The following CCNF variants were observed in gnomAD, a reference collection of about 807,000 sequenced individuals.
CCNF encodes cyclin F.
Under a neutral mutation model 85.4 loss-of-function variants are expected in CCNF, and 30 were observed. That is an observed-to-expected ratio of 0.35 (90% CI 0.26 to 0.48). CCNF has a LOEUF of 0.48. CCNF is among the 20% of genes least tolerant of loss of function. The probability of loss-of-function intolerance (pLI) is 0.99; values close to 1 mark genes in which losing one functional copy is unlikely to be tolerated. For missense variants in CCNF, 919 were observed against 1,010.4 expected, an observed-to-expected ratio of 0.91 and a Z score of 1.23; for synonymous variants, 439 against 425.1, an observed-to-expected ratio of 1.03 and a Z score of -0.40.
rs746327360 is a variant in CCNF at position 2,457,021 on chromosome 16, G to C, written c.*1G>C. 3.8e-6 allele frequency: 6 copies of C among 1,573,476 alleles called. No homozygotes were observed. The South Asian group carries it at 7.2e-5, about 19-fold the overall frequency. On this transcript the variant is annotated 3_prime_UTR_variant, in exon 17 of 17. Coordinates refer to ENST00000397066, the MANE Select transcript of CCNF (RefSeq NM_001761.3). ...GAACCTGGGCCTTGTGAGGCTGTAA[G>C]TGTGTCAGCACATTTGCCGCAGTGG... is the stretch of plus-strand genomic sequence containing the variant.
rs986789044 is a variant in CCNF at position 2,433,025 on chromosome 16, A to G, written c.236A>G (p.Gln79Arg). Reference protein sequence around the residue: ...HASVWACASFQELWPSPGNLK... With the variant: ...HASVWACASFRELWPSPGNLK... ...AGTGTGTGGGCATGTGCCAGCTTCCAGGAGCTGTGGCCGTCTCCAGGGAAC... is the reference window on the plus strand; with the variant it reads ...AGTGTGTGGGCATGTGCCAGCTTCCGGGAGCTGTGGCCGTCTCCAGGGAAC... The change falls in exon 3 of 17, where the codon CAG (glutamine) becomes CGG (arginine). Residue 79 changes from glutamine (Q) to arginine (R), a missense_variant. Physicochemically the swap from Gln to Arg is conservative, Grantham distance 43. Transcript: ENST00000397066. 6 of 1,611,330 alleles carry G rather than the reference A, an allele frequency of 3.7e-6. No individual in the cohort carries two copies. The Admixed American group carries it at 5.0e-5, about 13-fold the overall frequency.
chr16:2,439,714 A>G (rs1290316293), intron 7 of CCNF, 35 bp from the exon 8 acceptor site: 1 of 1,580,768 alleles, frequency 6.3e-7, no homozygotes, highest in Admixed American at 1.7e-5. Flanking sequence ...CCCAAGACAC[A>G]GTTGTACAAA....
intron 10 of CCNF, among the ~76,000 whole-genome samples, chr16:2,447,272 T>G (rs534453418): frequency 4.0e-5 from 6 of 151,886 alleles, no homozygotes; most frequent in Admixed American, 1.3e-4. Context: ...TCTGCCTTAT[T>G]ATCTTTTTTT....
rs1439057346 is a variant in CCNF, at chr16:2,457,384, A to C, written c.*364A>C. On this transcript the variant is annotated 3_prime_UTR_variant, in exon 17 of 17. Coordinates refer to ENST00000397066, the MANE Select transcript of CCNF (RefSeq NM_001761.3). ...CCCGTGCCGGGAGCTGACAGCTTTC[A>C]CGCTTAAGGCACGTGTGACCTGGGT... The C allele has an allele frequency of 5.4e-6, 1 of 186,628 alleles. No homozygotes were observed. The highest frequency in any genetic ancestry group is 1.1e-5 in the Non-Finnish European group (1 of 89,414). The allele number at this position is 186,628 out of a possible 1,614,324, so 11.6% of individuals were successfully genotyped here.
chr16:2,435,249 C>CA (rs1358301735), intron 3 of CCNF, among the ~76,000 whole-genome samples: 571 of 34,976 alleles, frequency 0.016, 9 homozygotes, highest in Middle Eastern at 0.04. Flanking sequence ...GACTCCGTCT[C>CA]AAAAAAAAAA....
chr16:2,437,937 A>T, intron 5 of CCNF, 133 bp from the exon 6 acceptor site: 1 of 555,240 alleles, frequency 1.8e-6, no homozygotes, highest in Non-Finnish European at 3.3e-6. Flanking sequence ...GAAATCTGGG[A>T]GTGGCCCTCT....
Position 2,439,396 on chromosome 16 carries a change from C to CCCA in CCNF, c.638_639insCCA (p.Ala213_Ala214insHis), listed in dbSNP as rs1341365156. 6.2e-7 allele frequency: 1 copy of CCCA among 1,610,470 alleles called. No individual in the cohort carries two copies. Among genetic ancestry groups the CCCA allele is most frequent in the Non-Finnish European group, 8.5e-7 (1 of 1,178,852 alleles). ...CAGGCCCATGACCTGTTTGAGGAGG[C>CCCA]TGCTCATCAGGGATGTCTGACCAGC... On this transcript the variant is annotated inframe_insertion, in exon 7 of 17. Transcript: ENST00000397066.
rs138459868 is a variant in CCNF at position 2,454,928 on chromosome 16, C to T, written c.1716-467C>T. The stretch of plus-strand genomic sequence containing the variant: ...TATAAAAATTAGCTGGGTGTGATGG[C>T]GGGCACCTGTAGTCCCAGCTACTCA... On this transcript the variant is annotated intron_variant, in intron 15 of 16. Coordinates refer to ENST00000397066, the MANE Select transcript of CCNF (RefSeq NM_001761.3). 9.2e-3 allele frequency among the ~76,000 whole-genome samples: 1,406 copies of T among 152,114 alleles called. 24 individuals are homozygous for T. The highest frequency in any genetic ancestry group is 0.031 in the African/African-American group (1,275 of 41,458).
chr16:2,435,910 A>G (rs1166888974), intron 4 of CCNF, 37 bp downstream of exon 4: 2 of 1,480,780 alleles, frequency 1.4e-6, no homozygotes, highest in Admixed American at 3.4e-5. Context: ...GGCGCTTCAG[A>G]TAAGTGTGAG....
At position 2,449,347 on chromosome 16, in the gene CCNF, G is replaced by A. The variant is rs142132500; in HGVS notation, c.1284G>A (p.Gln428=). ...LTLVPVELRT[Q]HLCSFLCELS... Reference sequence around the variant, plus strand: ...TAGTCCCTGTGGAGCTGAGAACCCAGCACCTGTGCAGCTTCCTCTGCGAGC... The same window carrying A: ...TAGTCCCTGTGGAGCTGAGAACCCAACACCTGTGCAGCTTCCTCTGCGAGC... Residue 428 remains glutamine (Q), a synonymous_variant, in exon 12 of 17, where the codon CAG becomes CAA. Transcript: ENST00000397066. 2 of 1,613,794 alleles carry A rather than the reference G, an allele frequency of 1.2e-6. No individual in the cohort carries two copies. The highest frequency in any genetic ancestry group is 1.7e-6 in the Non-Finnish European group (2 of 1,179,974).
intron 10 of CCNF, among the ~76,000 whole-genome samples, chr16:2,448,058 G>A (rs1383054712): frequency 6.6e-6 from 1 of 152,248 alleles, no homozygotes; most frequent in Non-Finnish European, 1.5e-5. Context: ...GATAGTTGGC[G>A]CTGGTTGACA....
chr16:2,444,456 C>A (rs1340172442), intron 9 of CCNF, among the ~76,000 whole-genome samples: 1 of 150,680 alleles, frequency 6.6e-6, no homozygotes, highest in Admixed American at 6.6e-5. Flanking sequence ...CCTGCCACCA[C>A]GCCCAGCTAA....
Position 2,449,310 on chromosome 16 carries a change from T to G in CCNF, c.1247T>G (p.Val416Gly), listed in dbSNP as rs759832040. Reference protein sequence around the residue: ...RVPTVVDYKEVLLTLVPVELR... With the variant: ...RVPTVVDYKEGLLTLVPVELR... Reference sequence around the variant, plus strand: ...CCCACTGTGGTGGATTACAAGGAGGTCCTGCTGACGCTAGTCCCTGTGGAG... The same window carrying G: ...CCCACTGTGGTGGATTACAAGGAGGGCCTGCTGACGCTAGTCCCTGTGGAG... The change falls in exon 12 of 17, where the codon GTC (valine) becomes GGC (glycine). Residue 416 changes from valine to glycine, a missense_variant. Transcript: ENST00000397066. 3 of 1,613,648 alleles carry G rather than the reference T, an allele frequency of 1.9e-6. No homozygotes were observed. The South Asian group carries it at 3.3e-5, about 18-fold the overall frequency.
chr16:2,437,389 G>A (rs1054497720), intron 5 of CCNF, 67 bp downstream of exon 5: 24 of 1,275,464 alleles, frequency 1.9e-5, no homozygotes, highest in African/African-American at 2.9e-5. Flanking sequence ...GGAAGACCCC[G>A]AGGGTAGATC....
rs199750563 is a variant in CCNF at position 2,445,581 on chromosome 16, G to T, written c.1053G>T (p.Arg351Ser). Reference protein sequence around the residue: ...YLRRRLVPRYRLQLLGIACMV... With the variant: ...YLRRRLVPRYSLQLLGIACMV... ...GGAGGAGGCTGGTGCCGCGGTACAG[G>T]CTCCAGCTGCTGGGCATCGCCTGCA... Residue 351 changes from arginine (R) to serine (S), a missense_variant, in exon 10 of 17, where the codon AGG becomes AGT. Arg to Ser is a moderately radical substitution (Grantham distance 110). This residue lies in a region of CCNF where 410 missense variants were observed against 478.6 expected (regional missense o/e 0.86). Coordinates refer to ENST00000397066, the MANE Select transcript of CCNF (RefSeq NM_001761.3). 3 of 1,613,626 alleles carry T rather than the reference G, an allele frequency of 1.9e-6. No individual in the cohort carries two copies. Among genetic ancestry groups the T allele is most frequent in the African/African-American group, 2.7e-5 (2 of 75,040 alleles).
intron 8 of CCNF, among the ~76,000 whole-genome samples, chr16:2,440,488 G>C (rs369103056): frequency 1.6e-3 from 249 of 152,140 alleles, no homozygotes; most frequent in African/African-American, 5.6e-3. Flanking sequence ...GTGGTGGCAG[G>C]CACCTGATAC....
chr16:2,453,436 T>C lies in CCNF; in HGVS notation c.1614T>C (p.Ala538=), dbSNP rs375754971. The C allele has an allele frequency of 1.9e-5, 30 of 1,614,014 alleles. No homozygotes were observed. Among genetic ancestry groups the C allele is most frequent in the Non-Finnish European group, 2.5e-5 (29 of 1,179,976 alleles). The stretch of plus-strand genomic sequence containing the variant: ...TGCTGAGCTACAGCCAGTTGTGTGC[T>C]GCATTAGGAGTGACACAAGACAGCC... ...EEVLSYSQLC[A]ALGVTQDSPD... The change falls in exon 15 of 17, where the codon GCT becomes GCC. Residue 538 remains alanine, a synonymous_variant. Transcript: ENST00000397066. This position sits in a 1 kb window ranked among gnomAD's most constrained non-coding sequence, Gnocchi z 5.6.
chr16:2,449,647 A>G (rs906974720), intron 12 of CCNF, among the ~76,000 whole-genome samples, 181 bp from the exon 13 acceptor site: 7 of 152,270 alleles, frequency 4.6e-5, no homozygotes, highest in African/African-American at 1.7e-4. Context: ...CGCCCTATGT[A>G]TGGGTTTTTT....
chr16:2,442,166 C>G (rs2065326945), intron 8 of CCNF, among the ~76,000 whole-genome samples: 1 of 143,652 alleles, frequency 7.0e-6, no homozygotes, highest in East Asian at 2.0e-4. Flanking sequence ...ACCACCACGC[C>G]CAGCTAAATT....
Sources: gnomAD v4.1 joint callset for allele counts (sites outside exome capture counted in the v4.1 genomes callset) on GRCh38, gnomAD v4.1.1 for gene constraint, gnomAD v4.1.1 regional missense constraint, Gnocchi (gnomAD v3.1) non-coding constraint, MANE v1.5 for transcripts, NCBI Gene and HGNC (gene_info 2026-07-23, HGNC 2026-07-21) for gene names.